The following PCDH15 variants were observed in gnomAD, a reference collection of about 807,000 sequenced individuals.
PCDH15 encodes the protein protocadherin-15.
A neutral mutation model predicts 178.5 loss-of-function variants in PCDH15; 129 were observed. That is an observed-to-expected ratio of 0.72 (90% CI 0.63 to 0.84). The LOEUF is 0.84. PCDH15 is among the 40% of genes least tolerant of loss of function. The probability of loss-of-function intolerance (pLI) is 0.00; values close to 1 mark genes in which losing one functional copy is unlikely to be tolerated. For missense variants in PCDH15, 2,230 were observed against 2,099.9 expected (o/e 1.06, Z -1.21); for synonymous variants, 800 against 732.0 (o/e 1.09, Z -1.50).
intron 2 of PCDH15, among the ~76,000 whole-genome samples, chr10:55,390,117 GT>G (rs201061770): frequency 7.9e-4 from 120 of 151,164 alleles, no homozygotes; most frequent in African/African-American, 2.7e-3. Context: ...AGTCACATGA[GT>G]TTTTTTTTCT....
chr10:54,603,251 A>G (rs1241556076), intron 2 of PCDH15, among the ~76,000 whole-genome samples: 4 of 151,622 alleles, frequency 2.6e-5, no homozygotes, highest in African/African-American at 9.7e-5. Flanking sequence ...ATACAGTTTT[A>G]TTTATTTCAG....
chr10:54,635,495 A>G (rs543098610), intron 2 of PCDH15, among the ~76,000 whole-genome samples: 1 of 151,918 alleles, frequency 6.6e-6, no homozygotes, highest in South Asian at 2.1e-4. Context: ...GTTCTATTAC[A>G]TGGAAATTGT....
At chr10:54,306,863 A>T (rs370580133) in intron 8 of PCDH15, among the ~76,000 whole-genome samples, 33 of 150,340 alleles carry the variant, frequency 2.2e-4, no homozygotes, top group African/African-American at 7.8e-4. Flanking sequence ...CCTAAAACAC[A>T]TAGGTATGGC....
intron 2 of PCDH15, among the ~76,000 whole-genome samples, chr10:54,558,028 A>AAAAC (rs922137743): frequency 1.1e-4 from 17 of 152,244 alleles, no homozygotes; most frequent in East Asian, 7.7e-4. Flanking sequence ...AGCCAAAACA[A>AAAAC]AAACAAACAA....
chr10:55,438,614 GTAGAAGAGA>G (rs1839104656), intron 2 of PCDH15, among the ~76,000 whole-genome samples: 1 of 151,998 alleles, frequency 6.6e-6, no homozygotes, highest in South Asian at 2.1e-4. Flanking sequence ...CAGGAAAAAT[GTAGAAGAGA>G]TGCCTGAGCA....
intron 2 of PCDH15, among the ~76,000 whole-genome samples, chr10:55,046,369 T>C (rs1472753235): frequency 6.6e-6 from 1 of 152,036 alleles, no homozygotes; most frequent in African/African-American, 2.4e-5. Flanking sequence ...TGTACTATTG[T>C]TTTAAATATA....
chr10:55,187,137 C>A (rs1475686554), intron 1 of PCDH15, among the ~76,000 whole-genome samples: 1 of 151,760 alleles, frequency 6.6e-6, no homozygotes. Flanking sequence ...TACTTTCAGT[C>A]TAGTGGAGTG....
At chr10:54,153,365 A>T in intron 13 of PCDH15, 72 bp from the exon 14 acceptor site, 1 of 1,511,914 alleles carries the variant, frequency 6.6e-7, no homozygotes, top group East Asian at 2.3e-5. Context: ...TTTTCCCCCA[A>T]CAAAAGAAGC....
chr10:53,811,005 G>C (rs1234291337), intron 36 of PCDH15, among the ~76,000 whole-genome samples: 4 of 152,192 alleles, frequency 2.6e-5, no homozygotes. Context: ...ACAGTGTAAT[G>C]GCTCATTCAC....
At chr10:54,331,287 C>A (rs1420510641) in intron 6 of PCDH15, among the ~76,000 whole-genome samples, 1 of 151,764 alleles carries the variant, frequency 6.6e-6, no homozygotes, top group Non-Finnish European at 1.5e-5. Context: ...CTCTCTATCT[C>A]TCTTTCTCTC....
intron 2 of PCDH15, among the ~76,000 whole-genome samples, chr10:54,569,822 A>C (rs2089548017): frequency 1.3e-5 from 2 of 152,148 alleles, no homozygotes; most frequent in Admixed American, 6.5e-5. Context: ...TTAGTTTCTC[A>C]CTCAAGACTT....
intron 2 of PCDH15, among the ~76,000 whole-genome samples, chr10:54,920,697 G>A (rs1169615188): frequency 1.3e-5 from 2 of 152,060 alleles, no homozygotes; most frequent in African/African-American, 4.8e-5. Context: ...ATTGAGAATT[G>A]TGAATTTCTA....
chr10:54,304,187 C>G (rs568545405), intron 8 of PCDH15, among the ~76,000 whole-genome samples: 1 of 152,094 alleles, frequency 6.6e-6, no homozygotes, highest in East Asian at 1.9e-4. Context: ...ATTTACTCAC[C>G]CATATCATTG....
At chr10:54,087,641 C>T (rs546733285) in intron 16 of PCDH15, among the ~76,000 whole-genome samples, 13 of 152,238 alleles carry the variant, frequency 8.5e-5, no homozygotes, top group African/African-American at 3.1e-4. Context: ...TGTAGATGCA[C>T]GTCTTCATTT....
intron 3 of PCDH15, among the ~76,000 whole-genome samples, chr10:54,402,262 A>C (rs2135491425): frequency 6.6e-6 from 1 of 152,086 alleles, no homozygotes; most frequent in South Asian, 2.1e-4. Flanking sequence ...ATTAAAGAAA[A>C]CAGAACTAAA....
At chr10:54,874,820 G>A (rs1217001627) in intron 3 of PCDH15, among the ~76,000 whole-genome samples, 1 of 152,006 alleles carries the variant, frequency 6.6e-6, no homozygotes. Flanking sequence ...CCCTTATCAA[G>A]TAATGTTTTA....
intron 18 of PCDH15, among the ~76,000 whole-genome samples, chr10:54,049,598 A>C (rs983457575): frequency 2.1e-4 from 32 of 151,660 alleles, no homozygotes; most frequent in African/African-American, 7.3e-4. Context: ...ATTTTATCAA[A>C]AGCTTTTTCT....
intron 3 of PCDH15, among the ~76,000 whole-genome samples, chr10:54,459,127 A>AAG (rs149505418): frequency 4.6e-5 from 7 of 151,460 alleles, no homozygotes; most frequent in Admixed American, 6.6e-5. Context: ...GAAACAGAGA[A>AAG]AGAGAGAGAG....
chr10:54,116,904 A>G (rs4007243), intron 15 of PCDH15, among the ~76,000 whole-genome samples: 4,454 of 152,166 alleles, frequency 0.029, 237 homozygotes, highest in African/African-American at 0.1. Flanking sequence ...TTATAACAGA[A>G]ACTTTAAGAA....
Sources: allele counts gnomAD v4.1 joint callset (sites outside exome capture counted in the v4.1 genomes callset), GRCh38; gene constraint gnomAD v4.1.1; transcripts MANE v1.5; gene names NCBI Gene and HGNC (gene_info 2026-07-23, HGNC 2026-07-21).